Variants in SPOCK3 observed in about 807,000 individuals in gnomAD.
SPOCK3 encodes SPARC (osteonectin), cwcv and kazal like domains proteoglycan 3.
SPOCK3 carries 30 observed loss-of-function variants against 56.6 expected under a neutral mutation model. That is an observed-to-expected ratio of 0.53 (90% confidence interval 0.40 to 0.72). The LOEUF (loss-of-function observed/expected upper bound fraction) is 0.72, where lower values mean the gene tolerates loss of function less well. Among genes scored for constraint, SPOCK3 ranks in the 30% least tolerant of loss-of-function variants. The pLI, the probability that SPOCK3 is intolerant of heterozygous loss-of-function variation, is 0.00. For missense variants in SPOCK3, 527 were observed against 530.0 expected (o/e 0.99, Z 0.06); for synonymous variants, 196 against 183.3 (o/e 1.07, Z -0.56).
chr4:167,141,017 GA>G (rs888631499), intron 2 of SPOCK3, among the ~76,000 whole-genome samples: 22 of 151,940 alleles, frequency 1.4e-4, no homozygotes, highest in African/African-American at 5.3e-4. Flanking sequence ...AGAGGGGGAG[GA>G]AAAATTCTCT....
chr4:167,023,073 T>A (rs935940798), intron 3 of SPOCK3, among the ~76,000 whole-genome samples: 2 of 152,168 alleles, frequency 1.3e-5, no homozygotes, highest in Middle Eastern at 3.4e-3. Context: ...CACAGGAATT[T>A]TTTTTTTGGC....
At chr4:167,205,379 TAA>T (rs1491463316) in intron 2 of SPOCK3, among the ~76,000 whole-genome samples, 3 of 38,076 alleles carry the variant, frequency 7.9e-5, no homozygotes, top group African/African-American at 3.7e-4. Context: ...TTTATATATA[TAA>T]TATATATATT....
At chr4:167,047,937 T>A (rs1289561897) in intron 3 of SPOCK3, among the ~76,000 whole-genome samples, 1 of 152,060 alleles carries the variant, frequency 6.6e-6, no homozygotes, top group African/African-American at 2.4e-5. Flanking sequence ...TCCCAGTTAC[T>A]TAGGAGGCTG....
intron 2 of SPOCK3, among the ~76,000 whole-genome samples, chr4:167,114,812 G>A (rs868386650): frequency 1.3e-5 from 2 of 151,958 alleles, no homozygotes; most frequent in African/African-American, 4.8e-5. Context: ...ATGTTTCCAC[G>A]TTAACCATGT....
intron 9 of SPOCK3, among the ~76,000 whole-genome samples, chr4:166,738,414 T>C (rs1422558344): frequency 2.6e-5 from 1 of 37,780 alleles, no homozygotes; most frequent in Non-Finnish European, 5.8e-5. Context: ...TAGATAAATA[T>C]TTTTTATTTA....
At chr4:166,844,991 G>C (rs879490793) in intron 6 of SPOCK3, among the ~76,000 whole-genome samples, 1 of 152,190 alleles carries the variant, frequency 6.6e-6, no homozygotes, top group Non-Finnish European at 1.5e-5. Flanking sequence ...GAATACAAAT[G>C]CATGTGCTGT....
At chr4:167,123,731 A>ATTTCT in intron 2 of SPOCK3, among the ~76,000 whole-genome samples, 1 of 137,992 alleles carries the variant, frequency 7.2e-6, no homozygotes, top group African/African-American at 2.7e-5. Flanking sequence ...CCAACAAGAC[A>ATTTCT]TTTCTTTTCT....
At chr4:166,766,567 A>T (rs1579158490) in intron 7 of SPOCK3, among the ~76,000 whole-genome samples, 2 of 152,180 alleles carry the variant, frequency 1.3e-5, no homozygotes, top group Admixed American at 6.5e-5. Context: ...AAGCTTTTTG[A>T]TGTGCTGCTG....
At chr4:166,937,188 T>C (rs1446819300) in intron 4 of SPOCK3, among the ~76,000 whole-genome samples, 7 of 151,928 alleles carry the variant, frequency 4.6e-5, no homozygotes, top group African/African-American at 1.7e-4. Flanking sequence ...GCACAAGTGT[T>C]TAATGCAGCA....
At chr4:167,048,656 G>C (rs1485715117) in intron 3 of SPOCK3, among the ~76,000 whole-genome samples, 1 of 152,100 alleles carries the variant, frequency 6.6e-6, no homozygotes, top group Non-Finnish European at 1.5e-5. Context: ...TTTTAGTGAA[G>C]ATAATTTTAT....
chr4:167,124,682 A>G (rs1762126446), intron 2 of SPOCK3, among the ~76,000 whole-genome samples: 2 of 151,848 alleles, frequency 1.3e-5, no homozygotes, highest in Non-Finnish European at 2.9e-5. Flanking sequence ...TTGATTTTCT[A>G]CAAATTAAAC....
At chr4:166,843,535 A>G (rs556270777) in intron 6 of SPOCK3, among the ~76,000 whole-genome samples, 5 of 152,308 alleles carry the variant, frequency 3.3e-5, no homozygotes, top group East Asian at 1.9e-4. Context: ...ACTCGTCTTG[A>G]AAAAATAAGC....
At chr4:167,158,076 T>C (rs931660984) in intron 2 of SPOCK3, among the ~76,000 whole-genome samples, 62 of 151,978 alleles carry the variant, frequency 4.1e-4, no homozygotes, top group African/African-American at 1.4e-3. Flanking sequence ...AATATTAACA[T>C]AGATATTTGA....
chr4:166,891,014 C>A (rs1734718348), intron 5 of SPOCK3, among the ~76,000 whole-genome samples: 1 of 151,912 alleles, frequency 6.6e-6, no homozygotes, highest in African/African-American at 2.4e-5. Context: ...TAATGCCCTT[C>A]TTTGTCATTT....
intron 6 of SPOCK3, among the ~76,000 whole-genome samples, chr4:166,830,388 C>T (rs573539976): frequency 2.0e-5 from 3 of 152,220 alleles, no homozygotes; most frequent in Admixed American, 1.3e-4. Flanking sequence ...CTTATTTTAA[C>T]AATTCTGAAT....
Position 167,062,113 on chromosome 4 carries a change from T to C in SPOCK3, c.235+379A>G, listed in dbSNP as rs55771208. ...GTCTTAAAGGAAACCTTTTATTAAT[T>C]GGAAAAGAGGCAAAAAAAGCCATTT... On this transcript the variant is annotated intron_variant, in intron 3 of 10. Coordinates refer to ENST00000357545, the MANE Select transcript of SPOCK3 (RefSeq NM_001040159.2). Among the ~76,000 whole-genome samples, 38 of 151,864 alleles carry C rather than the reference T, an allele frequency of 2.5e-4. No homozygotes were observed. In the South Asian group the frequency reaches 3.1e-3, roughly 12 times the overall value.
At chr4:167,054,176 C>T (rs769603160) in intron 3 of SPOCK3, among the ~76,000 whole-genome samples, 11 of 152,106 alleles carry the variant, frequency 7.2e-5, no homozygotes, top group Non-Finnish European at 1.2e-4. Context: ...GATAGGGTAC[C>T]TCAGTTCAAG....
In SPOCK3 at chr4:166,966,730, GA is replaced by G. The variant is rs1744777934; in HGVS notation, c.350+33618del. On this transcript the variant is annotated intron_variant, in intron 4 of 10. Transcript: ENST00000357545. ...CATCGCTGCAAATTTTAACATAGTG[GA>G]AAAAATGCAAACACATTATTATTAC... Among the ~76,000 whole-genome samples the G allele has an allele frequency of 2.6e-5, 4 of 152,058 alleles. No homozygotes were observed. In the South Asian group the frequency reaches 8.3e-4, roughly 32 times the overall value.
intron 3 of SPOCK3, among the ~76,000 whole-genome samples, chr4:167,031,401 T>G (rs1489625733): frequency 1.3e-5 from 2 of 152,134 alleles, no homozygotes; most frequent in South Asian, 4.1e-4. Context: ...CCCGTTTTAC[T>G]AAAATACTTT....
Sources: allele counts gnomAD v4.1 joint callset (sites outside exome capture counted in the v4.1 genomes callset), GRCh38; gene constraint gnomAD v4.1.1; transcripts MANE v1.5; gene names NCBI Gene and HGNC (gene_info 2026-07-23, HGNC 2026-07-21).